Variants in PDLIM5 observed in about 807,000 individuals in gnomAD.
The protein encoded by PDLIM5 is PDZ and LIM domain protein 5.
PDLIM5 carries 34 observed loss-of-function variants against 64.2 expected under a neutral mutation model. The ratio of observed to expected loss-of-function variants is 0.53; its 90% CI spans 0.40 to 0.71. The LOEUF is 0.71. Among genes scored for constraint, PDLIM5 ranks in the 30% least tolerant of loss-of-function variants. The pLI is 0.00. For missense variants in PDLIM5, 683 were observed against 733.6 expected (o/e 0.93, Z 0.80); for synonymous variants, 253 against 269.1 (o/e 0.94, Z 0.59).
At position 94,620,551 on chromosome 4, in the gene PDLIM5, T is replaced by A. The variant is rs184304423; in HGVS notation, c.1108+2360T>A. ...AGATACCTTGTCTCCAAAAAAAAAA[T>A]GGTCACTCATTATTCTTTTAAGAAT... is the stretch of plus-strand genomic sequence containing the variant. On this transcript the variant is annotated intron_variant, in intron 8 of 12. Coordinates refer to ENST00000317968, the MANE Select transcript of PDLIM5 (RefSeq NM_006457.5). 7.3e-3 allele frequency among the ~76,000 whole-genome samples: 1,109 copies of A among 151,558 alleles called. 15 individuals carry two copies. The highest frequency in any genetic ancestry group is 0.025 in the African/African-American group (1,035 of 41,316).
At position 94,632,001 on chromosome 4, in the gene PDLIM5, G is replaced by A. The variant is rs76148066; in HGVS notation, c.1109-8275G>A. 7.9e-4 allele frequency among the ~76,000 whole-genome samples: 120 copies of A among 152,320 alleles called. 2 individuals carry two copies. The East Asian group carries it at 0.021, about 26-fold the overall frequency. On this transcript the variant is annotated intron_variant, in intron 8 of 12. Transcript: ENST00000317968. ...TATTCAATAAATGATCTGTACAGGC[G>A]CCTCCAACTTTAACATGCATGTGCT...
chr4:94,584,812 G>T, intron 5 of PDLIM5: 1 of 530,364 alleles, frequency 1.9e-6, no homozygotes, highest in Non-Finnish European at 3.4e-6. Flanking sequence ...AATATTGTCC[G>T]CATCTGTGTT....
chr4:94,546,217 T>C (rs1383579179), intron 3 of PDLIM5, among the ~76,000 whole-genome samples: 1 of 152,202 alleles, frequency 6.6e-6, no homozygotes, highest in Non-Finnish European at 1.5e-5. Context: ...ACCCAAATGA[T>C]ATTGCATTGT....
intron 8 of PDLIM5, among the ~76,000 whole-genome samples, chr4:94,636,825 G>C (rs114771628): frequency 6.6e-6 from 1 of 152,078 alleles, no homozygotes; most frequent in African/African-American, 2.4e-5. Context: ...GTGAGCCACC[G>C]CGCCGGGCCA....
intron 7 of PDLIM5, chr4:94,587,758 A>C: frequency 1.0e-6 from 1 of 976,970 alleles, no homozygotes; most frequent in African/African-American, 1.7e-5. Context: ...GTTTGGTTGG[A>C]TTTGCAAATC....
chr4:94,492,527 G>A (rs770264424), intron 2 of PDLIM5, among the ~76,000 whole-genome samples: 1 of 152,056 alleles, frequency 6.6e-6, no homozygotes, highest in Non-Finnish European at 1.5e-5. Flanking sequence ...AGGAAACTTG[G>A]TACCCATTGA....
At chr4:94,556,602 T>C (rs1288386656) in intron 3 of PDLIM5, among the ~76,000 whole-genome samples, 4 of 152,148 alleles carry the variant, frequency 2.6e-5, no homozygotes, top group Admixed American at 2.6e-4. Flanking sequence ...ACCATTCTAA[T>C]TGGTGTGAGA....
chr4:94,661,200 G>A (rs1442808945), intron 11 of PDLIM5, among the ~76,000 whole-genome samples: 1 of 152,112 alleles, frequency 6.6e-6, no homozygotes, highest in Non-Finnish European at 1.5e-5. Context: ...ACCAGCATGG[G>A]CAGCCTACGA....
At chr4:94,660,164 C>A (rs1742568728) in intron 11 of PDLIM5, among the ~76,000 whole-genome samples, 1 of 152,142 alleles carries the variant, frequency 6.6e-6, no homozygotes, top group African/African-American at 2.4e-5. Context: ...TCCCAAAGTG[C>A]TGGGATTACA....
intron 3 of PDLIM5, among the ~76,000 whole-genome samples, chr4:94,560,883 C>T (rs983973233): frequency 3.9e-5 from 6 of 152,068 alleles, no homozygotes; most frequent in Non-Finnish European, 8.8e-5. Context: ...CCCGCCACCA[C>T]GCCCAGCTAA....
At chr4:94,627,767 T>C (rs1407850185) in intron 8 of PDLIM5, among the ~76,000 whole-genome samples, 1 of 152,222 alleles carries the variant, frequency 6.6e-6, no homozygotes, top group African/African-American at 2.4e-5. Flanking sequence ...AACGCATGAA[T>C]AAGAATAACA....
At position 94,589,999 on chromosome 4, in the gene PDLIM5, A is replaced by T. The variant is rs556003641; in HGVS notation, c.920+3555A>T. Among the ~76,000 whole-genome samples the T allele has an allele frequency of 7.9e-5, 12 of 151,794 alleles. No homozygotes were observed. In the East Asian group the frequency reaches 1.4e-3, roughly 17 times the overall value. On this transcript the variant is annotated intron_variant, in intron 7 of 12. Coordinates refer to ENST00000317968, the MANE Select transcript of PDLIM5 (RefSeq NM_006457.5). ...ACCATGTTGGCCAGGCTGGTCTCGA[A>T]CTCCTGACCTCCAGTTATCCGCCTG...
rs966860314 is a variant in PDLIM5, at chr4:94,666,134, T to TAA, written c.*2068_*2069insAA. 9.6e-6 allele frequency: 8 copies of TAA among 832,442 alleles called. No homozygotes were observed. The highest frequency in any genetic ancestry group is 1.5e-5 in the Non-Finnish European group (8 of 535,204). 51.6% of individuals were successfully genotyped at this position (832,442 alleles called of 1,614,324 possible). ...GGTCCTTCCTGCCCCATCACTCACTTACGACATCACTTCCATTGTGTGCAT... is the reference window on the plus strand; with the variant it reads ...GGTCCTTCCTGCCCCATCACTCACTTAAACGACATCACTTCCATTGTGTGCAT... On this transcript the variant is annotated 3_prime_UTR_variant, in exon 13 of 13. Transcript: ENST00000317968.
chr4:94,594,813 A>G (rs1399666209), intron 7 of PDLIM5, among the ~76,000 whole-genome samples: 1 of 152,180 alleles, frequency 6.6e-6, no homozygotes, highest in Non-Finnish European at 1.5e-5. Flanking sequence ...AAACATTTTT[A>G]TCAGTCTTTT....
At chr4:94,458,847 A>G (rs1723616430) in intron 2 of PDLIM5, among the ~76,000 whole-genome samples, 1 of 152,146 alleles carries the variant, frequency 6.6e-6, no homozygotes, top group Admixed American at 6.5e-5. Context: ...TGAATTTTGT[A>G]TACTGTTTTG....
At chr4:94,530,559 C>T (rs986473621) in intron 3 of PDLIM5, among the ~76,000 whole-genome samples, 1 of 137,872 alleles carries the variant, frequency 7.3e-6, no homozygotes, top group Non-Finnish European at 1.5e-5. Flanking sequence ...TTTTTCTACT[C>T]TTCCTTGTTT....
intron 7 of PDLIM5, among the ~76,000 whole-genome samples, chr4:94,597,871 A>G (rs1212907309): frequency 6.6e-6 from 1 of 152,188 alleles, no homozygotes; most frequent in Non-Finnish European, 1.5e-5. Context: ...AAGCATGGCT[A>G]GTGAGCACTG....
At chr4:94,618,855 T>TA (rs201554251) in intron 8 of PDLIM5, among the ~76,000 whole-genome samples, 10 of 152,010 alleles carry the variant, frequency 6.6e-5, no homozygotes, top group African/African-American at 2.2e-4. Flanking sequence ...TATGATTATG[T>TA]AAAAAAAAGT....
At chr4:94,662,328 C>A in intron 11 of PDLIM5, 94 bp from the exon 12 acceptor site, 1 of 614,820 alleles carries the variant, frequency 1.6e-6, no homozygotes, top group South Asian at 2.2e-5. Context: ...TTCAGCATCT[C>A]ATCTAATCCT....
Sources: allele counts gnomAD v4.1 joint callset (sites outside exome capture counted in the v4.1 genomes callset), GRCh38; gene constraint gnomAD v4.1.1; transcripts MANE v1.5; gene names NCBI Gene and HGNC (gene_info 2026-07-23, HGNC 2026-07-21).